Variants in SLC25A37 observed in about 807,000 individuals in gnomAD.
The protein encoded by SLC25A37 is solute carrier family 25 member 37.
A neutral mutation model predicts 31.0 loss-of-function variants in SLC25A37; 17 were observed. The ratio of observed to expected loss-of-function variants is 0.55; its 90% CI spans 0.38 to 0.82. The LOEUF (loss-of-function observed/expected upper bound fraction) is 0.82. Ranked by LOEUF, SLC25A37 falls within the 40% of genes least tolerant of loss-of-function variation. The pLI is 0.00. For missense variants in SLC25A37, 404 were observed against 465.8 expected (o/e 0.87, Z 1.22); for synonymous variants, 222 against 193.0 (o/e 1.15, Z -1.24).
chr8:23,553,149 A>G (rs1056552759), intron 1 of SLC25A37, among the ~76,000 whole-genome samples: 2 of 152,214 alleles, frequency 1.3e-5, no homozygotes, highest in Admixed American at 6.5e-5. Flanking sequence ...GGCTGGGTGC[A>G]GTGGCTCACG....
At chr8:23,555,640 G>C (rs1774890284) in intron 1 of SLC25A37, among the ~76,000 whole-genome samples, 1 of 152,226 alleles carries the variant, frequency 6.6e-6, no homozygotes, top group Non-Finnish European at 1.5e-5. Context: ...TGTCTGGAGA[G>C]CATCAGTGAC....
intron 1 of SLC25A37, among the ~76,000 whole-genome samples, chr8:23,533,442 C>A (rs974976704): frequency 6.6e-6 from 1 of 152,202 alleles, no homozygotes; most frequent in African/African-American, 2.4e-5. Context: ...ATGTGCTTCC[C>A]AAACCTTTTC....
intron 1 of SLC25A37, among the ~76,000 whole-genome samples, chr8:23,551,623 C>T (rs1802228221): frequency 6.6e-6 from 1 of 151,822 alleles, no homozygotes. Context: ...GGCAGCTGTC[C>T]ACCAGACCCC....
At chr8:23,560,430 G>C (rs1015550182) in intron 1 of SLC25A37, among the ~76,000 whole-genome samples, 2 of 152,038 alleles carry the variant, frequency 1.3e-5, no homozygotes, top group African/African-American at 2.4e-5. Flanking sequence ...ACACTCCTTC[G>C]AGGCACCCTG....
intron 1 of SLC25A37, among the ~76,000 whole-genome samples, chr8:23,541,310 T>G (rs1020389975): frequency 2.0e-5 from 3 of 152,218 alleles, no homozygotes; most frequent in Admixed American, 2.0e-4. Context: ...TCCAAGAAAG[T>G]CTGTCCCTTT....
chr8:23,540,516 C>T (rs1236574353), intron 1 of SLC25A37, among the ~76,000 whole-genome samples: 1 of 152,138 alleles, frequency 6.6e-6, no homozygotes, highest in African/African-American at 2.4e-5. Context: ...GGCAAGTACT[C>T]CAGCAAGCAA....
chr8:23,546,537 ATATATATATATATATAGTG>A (rs1237832238), intron 1 of SLC25A37, among the ~76,000 whole-genome samples: 607 of 23,396 alleles, frequency 0.026, 8 homozygotes, highest in Non-Finnish European at 0.026. Flanking sequence ...AGGTGTATAT[ATATATATATATATATAGTG>A]TATATATATA....
intron 1 of SLC25A37, among the ~76,000 whole-genome samples, chr8:23,540,094 G>A (rs1161328207): frequency 6.6e-6 from 1 of 152,146 alleles, no homozygotes; most frequent in Non-Finnish European, 1.5e-5. Flanking sequence ...TATTATTTTT[G>A]TATTGTTAGC....
intron 1 of SLC25A37, chr8:23,543,152 T>G (rs1203096334): frequency 1.3e-5 from 2 of 152,058 alleles, no homozygotes; most frequent in Non-Finnish European, 2.9e-5. Flanking sequence ...TACTGCAGCC[T>G]CGAACTCCTG....
Position 23,529,077 on chromosome 8 carries a change from C to T in SLC25A37, c.75C>T (p.Gly25=). The change falls in exon 1 of 4, where the codon GGC becomes GGT. Residue 25 remains glycine (G), a synonymous_variant. Coordinates refer to ENST00000519973, the MANE Select transcript of SLC25A37 (RefSeq NM_016612.4). The surrounding 1 kb of genome is among the most constrained non-coding windows in gnomAD (Gnocchi z 4.1). ...RRMDGDSRDG[G]GGKDATGSED... ...TGGATGGGGACAGCCGAGATGGCGG[C>T]GGCGGCAAGGACGCCACCGGGTCGG... The T allele has an allele frequency of 1.3e-6, 2 of 1,597,158 alleles. No individual in the cohort carries two copies. Among genetic ancestry groups the T allele is most frequent in the South Asian group, 1.1e-5 (1 of 88,596 alleles).
In SLC25A37 at chr8:23,566,221, C is replaced by T. The variant is rs756324078; in HGVS notation, c.324C>T (p.Asn108=). The T allele has an allele frequency of 8.7e-6, 14 of 1,603,322 alleles. No homozygotes were observed. Among genetic ancestry groups the T allele is most frequent in the East Asian group, 2.3e-5 (1 of 44,432 alleles). The change falls in exon 2 of 4, where the codon AAC becomes AAT. Residue 108 remains asparagine, a synonymous_variant. Coordinates refer to ENST00000519973, the MANE Select transcript of SLC25A37 (RefSeq NM_016612.4). The part of the protein sequence containing the change: ...EGFWRPLRGV[N]VMIMGAGPAH... ...TCTGGAGGCCCTTGCGAGGCGTCAA[C>T]GTCATGATCATGGGTGCAGGGCCGG...
rs1277853391 is a variant in SLC25A37, at chr8:23,573,030, ATCTCC to A, written c.*1177_*1181del. The A allele has an allele frequency of 1.3e-5, 2 of 152,158 alleles. No individual in the cohort carries two copies. Among genetic ancestry groups the A allele is most frequent in the Non-Finnish European group, 2.9e-5 (2 of 68,072 alleles). 9.4% of individuals were successfully genotyped at this position (152,158 alleles called of 1,614,324 possible). A position where few individuals can be genotyped will look rare whatever the true frequency, so the allele number is the denominator to read the frequency against. ...TCTATGTGTGTTTTGACTGAATCTC[ATCTCC>A]TGTGTTTCCCTGTGCAGTCTAGGGA... On this transcript the variant is annotated 3_prime_UTR_variant, in exon 4 of 4. Coordinates refer to ENST00000519973, the MANE Select transcript of SLC25A37 (RefSeq NM_016612.4).
At chr8:23,571,223 A>G (rs1802819827) in intron 3 of SLC25A37, 112 bp from the exon 4 acceptor site, 4 of 1,314,024 alleles carry the variant, frequency 3.0e-6, no homozygotes, top group Non-Finnish European at 4.1e-6. Context: ...TCCGGTGTCT[A>G]ACTGGCTTGT....
chr8:23,538,242 G>A (rs998370963), intron 1 of SLC25A37, among the ~76,000 whole-genome samples: 6 of 151,630 alleles, frequency 4.0e-5, no homozygotes, highest in Non-Finnish European at 8.8e-5. Context: ...TTAGCTGGGC[G>A]TGGTGGTGGG....
At chr8:23,532,216 G>C (rs528214831) in intron 1 of SLC25A37, among the ~76,000 whole-genome samples, 3 of 152,178 alleles carry the variant, frequency 2.0e-5, no homozygotes, top group Non-Finnish European at 4.4e-5. Context: ...CCCATGGTGG[G>C]ATGTGAGCAC....
At position 23,556,145 on chromosome 8, in the gene SLC25A37, TC is replaced by T. The variant is rs542622405; in HGVS notation, c.211-9958del. On this transcript the variant is annotated intron_variant, in intron 1 of 3. Coordinates refer to ENST00000519973, the MANE Select transcript of SLC25A37 (RefSeq NM_016612.4). ...GATAGGCATTTGTTTTCCCACCCCA[TC>T]CCCCACTTTTTTGAAGTGGGGGCAA... 3.3e-5 allele frequency among the ~76,000 whole-genome samples: 5 copies of T among 151,678 alleles called. No individual in the cohort carries two copies. In the South Asian group the frequency reaches 1.0e-3, roughly 32 times the overall value.
intron 1 of SLC25A37, among the ~76,000 whole-genome samples, chr8:23,534,135 A>T (rs573196846): frequency 6.6e-6 from 1 of 151,984 alleles, no homozygotes; most frequent in South Asian, 2.1e-4. Flanking sequence ...ATTTTTTTGT[A>T]GAGATGGGGG....
intron 1 of SLC25A37, among the ~76,000 whole-genome samples, chr8:23,559,268 G>C (rs536008332): frequency 1.3e-5 from 2 of 152,296 alleles, no homozygotes; most frequent in South Asian, 4.1e-4. Context: ...GAGGAGACTA[G>C]AAGCTAGGTC....
intron 1 of SLC25A37, among the ~76,000 whole-genome samples, chr8:23,565,614 G>T (rs1430411930): frequency 6.6e-6 from 1 of 152,266 alleles, no homozygotes; most frequent in Non-Finnish European, 1.5e-5. Flanking sequence ...ATTTCATGGT[G>T]TAGGGACTGA....
Sources: gnomAD v4.1 joint callset for allele counts (sites outside exome capture counted in the v4.1 genomes callset) on GRCh38, gnomAD v4.1.1 for gene constraint, Gnocchi (gnomAD v3.1) non-coding constraint, MANE v1.5 for transcripts, NCBI Gene and HGNC (gene_info 2026-07-23, HGNC 2026-07-21) for gene names.